UNC50: variants seen among roughly 807,000 people sequenced by gnomAD.
UNC50 encodes the protein unc-50 inner nuclear membrane RNA binding protein, also known as protein unc-50 homolog.
In UNC50, 24 loss-of-function variants were observed where a neutral mutation model predicts 31.5. That is an observed-to-expected ratio of 0.76 (90% confidence interval 0.55 to 1.07). The LOEUF is 1.07. Ranked by LOEUF, UNC50 falls within the 50% of genes least tolerant of loss-of-function variation. UNC50 has a pLI of 0.00. For synonymous variants in UNC50, 118 were observed against 114.7 expected, an observed-to-expected ratio of 1.03 and a Z score of -0.18; for missense variants, 245 against 304.2, an observed-to-expected ratio of 0.81 and a Z score of 1.45.
chr2:98,617,466 A>G (rs1700946392), intron 5 of UNC50, among the ~76,000 whole-genome samples: 2 of 152,212 alleles, frequency 1.3e-5, no homozygotes, highest in Non-Finnish European at 2.9e-5. Context: ...AGAACACTGC[A>G]GCACTGTGGT....
At chr2:98,611,340 G>A (rs1184385380) in intron 3 of UNC50, among the ~76,000 whole-genome samples, 1 of 152,200 alleles carries the variant, frequency 6.6e-6, no homozygotes, top group Non-Finnish European at 1.5e-5. Flanking sequence ...AGTGGGGAAA[G>A]GCAGGTTACA....
chr2:98,612,211 T>C (rs1208731818), intron 3 of UNC50, among the ~76,000 whole-genome samples: 1 of 152,172 alleles, frequency 6.6e-6, no homozygotes, highest in Non-Finnish European at 1.5e-5. Flanking sequence ...CAGAGAGACC[T>C]GGGTTCAAAT....
intron 5 of UNC50, among the ~76,000 whole-genome samples, chr2:98,616,874 C>T (rs1368033071): frequency 6.6e-6 from 1 of 152,216 alleles, no homozygotes; most frequent in Non-Finnish European, 1.5e-5. Flanking sequence ...CTCCTCTTCT[C>T]CCATGCTTTC....
At chr2:98,615,418 C>T (rs1002708203) in intron 3 of UNC50, among the ~76,000 whole-genome samples, 23 of 152,222 alleles carry the variant, frequency 1.5e-4, no homozygotes, top group African/African-American at 3.9e-4. Context: ...CTCAAAACCA[C>T]TCTTCCCACA....
At position 98,609,978 on chromosome 2, in the gene UNC50, G is replaced by T. The variant is rs1288688513; in HGVS notation, c.219G>T (p.Thr73=). The T allele has an allele frequency of 3.7e-6, 6 of 1,614,194 alleles. No homozygotes were observed. In the Middle Eastern group the frequency reaches 6.6e-4, roughly 178 times the overall value. ...VYRNFHYRKQ[T]KDQWARDDPA... ...GAAATTTTCATTATCGAAAACAGAC[G>T]AAGGACCAGTGGGCCAGAGATGACC... is the stretch of plus-strand genomic sequence containing the variant. The change falls in exon 2 of 6, where the codon ACG becomes ACT. Residue 73 remains threonine (T), a synonymous_variant. Transcript: ENST00000357765.
In UNC50 at chr2:98,608,636, G is replaced by GTTC. The variant is rs2106595718; in HGVS notation, c.-95_-94insTTC. The GTTC allele has an allele frequency of 1.7e-6, 1 of 576,588 alleles. No homozygotes were observed. Among genetic ancestry groups the GTTC allele is most frequent in the South Asian group, 2.0e-5 (1 of 50,156 alleles). 35.7% of individuals were successfully genotyped at this position (576,588 alleles called of 1,614,324 possible). ...CCAAGGGCCGGCTCCGTTGAGGGAA[G>GTTC]GGAAGCCCGCCCGGTGGCGGCTGGG... On this transcript the variant is annotated 5_prime_UTR_variant, in exon 1 of 6. Coordinates refer to ENST00000357765, the MANE Select transcript of UNC50 (RefSeq NM_014044.7).
rs1313745361 is a variant in UNC50, at chr2:98,609,855, C to T, written c.96C>T (p.Tyr32=). The part of the protein sequence containing the change: ...AARHTAGAKR[Y]KYLRRLFRFR... Reference sequence around the variant, plus strand: ...GACACACAGCCGGAGCGAAACGCTACAAATATCTGAGAAGGCTTTTCCGCT... The same window carrying T: ...GACACACAGCCGGAGCGAAACGCTATAAATATCTGAGAAGGCTTTTCCGCT... Residue 32 remains tyrosine (Y), a synonymous_variant, in exon 2 of 6, where the codon TAC becomes TAT. Transcript: ENST00000357765. The T allele has an allele frequency of 6.2e-7, 1 of 1,614,216 alleles. No individual in the cohort carries two copies.
rs542687605 is a variant in UNC50, at chr2:98,618,137, T to A, written c.644-31T>A. On this transcript the variant is annotated intron_variant, in intron 5 of 5. Transcript: ENST00000357765. ...ATTAGTCATTTATTTTTTTTTTTTT[T>A]TAAATCAGTTTGGATTCCTTTCTTT... 3.9e-5 allele frequency: 58 copies of A among 1,485,072 alleles called. No homozygotes were observed. In the African/African-American group the frequency reaches 7.5e-4, roughly 19 times the overall value. 92.0% of individuals were successfully genotyped at this position (1,485,072 alleles called of 1,614,324 possible). A position where few individuals can be genotyped will look rare whatever the true frequency, so the allele number is the denominator to read the frequency against.
intron 3 of UNC50, among the ~76,000 whole-genome samples, 164 bp downstream of exon 3, chr2:98,611,059 T>C (rs1354399926): frequency 6.6e-6 from 1 of 152,268 alleles, no homozygotes; most frequent in Non-Finnish European, 1.5e-5. Context: ...TGTTGCCACC[T>C]ATATCAGAAA....
intron 3 of UNC50, among the ~76,000 whole-genome samples, chr2:98,615,387 C>T (rs1009715836): frequency 6.6e-6 from 1 of 152,188 alleles, no homozygotes; most frequent in Non-Finnish European, 1.5e-5. Flanking sequence ...CAAATTCAAA[C>T]TTCCGCACAC....
chr2:98,617,313 C>G (rs1384240041), intron 5 of UNC50, among the ~76,000 whole-genome samples: 1 of 152,182 alleles, frequency 6.6e-6, no homozygotes, highest in Non-Finnish European at 1.5e-5. Context: ...GAGTTATTCC[C>G]ACCCCGGTTC....
At chr2:98,616,022 C>T (rs531604586) in intron 3 of UNC50, among the ~76,000 whole-genome samples, 185 bp from the exon 4 acceptor site, 141 of 152,290 alleles carry the variant, frequency 9.3e-4, no homozygotes, top group Non-Finnish European at 1.7e-3. Context: ...TTCTCTCTTT[C>T]CATAATACCA....
At chr2:98,609,010 G>C (rs1391424838) in intron 1 of UNC50, 2 of 158,894 alleles carry the variant, frequency 1.3e-5, no homozygotes, top group Non-Finnish European at 2.8e-5. Flanking sequence ...AAATGGAGCT[G>C]GGTATTCTGT....
At chr2:98,609,313 G>C (rs1700776794) in intron 1 of UNC50, 1 of 190,486 alleles carries the variant, frequency 5.2e-6, no homozygotes, top group Non-Finnish European at 1.1e-5. Context: ...TGATGGATCT[G>C]TGTGAATAGG....
intron 1 of UNC50, 65 bp downstream of exon 1, chr2:98,608,791 G>C (rs1419745141): frequency 3.0e-5 from 9 of 297,986 alleles, no homozygotes; most frequent in South Asian, 2.1e-4. Flanking sequence ...ATTTAATCCC[G>C]ACAGCTTGCG....
At position 98,610,909 on chromosome 2, in the gene UNC50, C is replaced by T. The variant is rs536737063; in HGVS notation, c.401+14C>T. 1 of 1,610,686 alleles carries T rather than the reference C, an allele frequency of 6.2e-7. No homozygotes were observed. On this transcript the variant is annotated intron_variant, in intron 3 of 5. Transcript: ENST00000357765. ...AACTTTAATGTGGTAAGTACCATAA[C>T]TTTGGTTTTTCAGATACTGCTGTAG...
rs1361849317 is a variant in UNC50, at chr2:98,618,331, CTG to C, written c.*31_*32del. On this transcript the variant is annotated 3_prime_UTR_variant, in exon 6 of 6. Coordinates refer to ENST00000357765, the MANE Select transcript of UNC50 (RefSeq NM_014044.7). ...AAGTGAGAAGAAGATTCAATCGTAACTGTGTCAACAGTATTGTGAAGTGATCA... is the reference window on the plus strand; with the variant it reads ...AAGTGAGAAGAAGATTCAATCGTAACTGTCAACAGTATTGTGAAGTGATCA... 2 of 1,584,724 alleles carry C rather than the reference CTG, an allele frequency of 1.3e-6. No homozygotes were observed. Among genetic ancestry groups the C allele is most frequent in the Admixed American group, 1.9e-5 (1 of 51,496 alleles).
intron 5 of UNC50, 113 bp from the exon 6 acceptor site, chr2:98,618,055 T>TA: frequency 8.9e-7 from 1 of 1,123,986 alleles, no homozygotes; most frequent in Non-Finnish European, 1.2e-6. Context: ...TGATTCAAAA[T>TA]ATGCATTCCC....
intron 3 of UNC50, among the ~76,000 whole-genome samples, chr2:98,611,684 C>T (rs1321743389): frequency 1.3e-5 from 2 of 152,172 alleles, no homozygotes; most frequent in Admixed American, 1.3e-4. Flanking sequence ...TTTCTGCATA[C>T]TAACAAAATG....
Sources: allele counts gnomAD v4.1 joint callset (sites outside exome capture counted in the v4.1 genomes callset), GRCh38; gene constraint gnomAD v4.1.1; transcripts MANE v1.5; gene names NCBI Gene and HGNC (gene_info 2026-07-23, HGNC 2026-07-21).